LUZP2: variants seen among roughly 807,000 people sequenced by gnomAD.
LUZP2 encodes leucine zipper protein 2.
In LUZP2, 52 loss-of-function variants were observed where a neutral mutation model predicts 51.6. The observed-to-expected ratio is 1.01, with a 90% CI of 0.81 to 1.27. The LOEUF (loss-of-function observed/expected upper bound fraction) is 1.27. Ranked by LOEUF, LUZP2 falls within the 50% of genes most tolerant of loss-of-function variation. LUZP2 has a pLI of 0.00. For missense variants in LUZP2, 436 were observed against 395.4 expected (o/e 1.10, Z -0.87); for synonymous variants, 154 against 137.3 (o/e 1.12, Z -0.85).
intron 9 of LUZP2, among the ~76,000 whole-genome samples, chr11:25,034,521 A>C (rs11028366): frequency 0.47 from 71,825 of 151,924 alleles, 17,466 homozygotes; most frequent in Non-Finnish European, 0.51. Flanking sequence ...GTATTTTCCA[A>C]GTTGTCTTCC....
At chr11:24,793,449 A>T (rs1036045122) in intron 5 of LUZP2, among the ~76,000 whole-genome samples, 1 of 152,176 alleles carries the variant, frequency 6.6e-6, no homozygotes, top group Non-Finnish European at 1.5e-5. Context: ...CTGCTCACAG[A>T]TGGGTTTGCA....
At chr11:25,031,991 A>C (rs1857702650) in intron 9 of LUZP2, among the ~76,000 whole-genome samples, 1 of 152,138 alleles carries the variant, frequency 6.6e-6, no homozygotes, top group Non-Finnish European at 1.5e-5. Context: ...AGTAATGACA[A>C]GGGACCTAAA....
At chr11:24,721,915 A>G (rs1196034800) in intron 1 of LUZP2, among the ~76,000 whole-genome samples, 2 of 152,176 alleles carry the variant, frequency 1.3e-5, no homozygotes, top group Non-Finnish European at 2.9e-5. Flanking sequence ...TAAATAAGAA[A>G]CAGTGACACT....
At chr11:24,878,864 T>C (rs1382771553) in intron 5 of LUZP2, among the ~76,000 whole-genome samples, 1 of 152,032 alleles carries the variant, frequency 6.6e-6, no homozygotes, top group African/African-American at 2.4e-5. Context: ...AATGAGAATG[T>C]GTGGTGTTTG....
At chr11:24,683,288 A>T (rs1485089880) in intron 1 of LUZP2, among the ~76,000 whole-genome samples, 1 of 152,130 alleles carries the variant, frequency 6.6e-6, no homozygotes, top group Admixed American at 6.6e-5. Flanking sequence ...TACTTAAAGG[A>T]TTATTTTGGA....
chr11:25,050,291 C>CTT (rs71044331), intron 10 of LUZP2, among the ~76,000 whole-genome samples, 161 bp downstream of exon 10: 13,714 of 76,726 alleles, frequency 0.18, 4,500 homozygotes, highest in Non-Finnish European at 0.25. Context: ...TCTTTATGTT[C>CTT]TTTTTTTTTT....
intron 5 of LUZP2, among the ~76,000 whole-genome samples, chr11:24,811,169 C>A (rs12294826): frequency 0.06 from 9,070 of 152,176 alleles, 436 homozygotes; most frequent in African/African-American, 0.13. Context: ...TATTGACTGC[C>A]AGCCCTTCTG....
intron 1 of LUZP2, among the ~76,000 whole-genome samples, chr11:24,665,777 G>A (rs763989649): frequency 2.0e-5 from 3 of 152,042 alleles, no homozygotes; most frequent in Non-Finnish European, 4.4e-5. Context: ...GAGTACCACC[G>A]CCCCTGACAC....
chr11:25,036,535 T>C (rs1490994393), intron 9 of LUZP2, among the ~76,000 whole-genome samples: 2 of 151,822 alleles, frequency 1.3e-5, no homozygotes, highest in Non-Finnish European at 2.9e-5. Context: ...TGTTCTTTTT[T>C]TTTGTAATTC....
intron 5 of LUZP2, among the ~76,000 whole-genome samples, chr11:24,842,639 T>A (rs1851072351): frequency 6.6e-6 from 1 of 152,056 alleles, no homozygotes; most frequent in South Asian, 2.1e-4. Context: ...TATTTCTTTT[T>A]CTTTTGGCTT....
intron 9 of LUZP2, among the ~76,000 whole-genome samples, chr11:25,037,348 G>C (rs968754476): frequency 7.2e-5 from 11 of 152,064 alleles, no homozygotes; most frequent in African/African-American, 2.7e-4. Flanking sequence ...TGTGAGTGTT[G>C]TTACACGTGA....
intron 1 of LUZP2, among the ~76,000 whole-genome samples, chr11:24,634,358 T>C (rs959568894): frequency 6.6e-6 from 1 of 152,058 alleles, no homozygotes; most frequent in Admixed American, 6.6e-5. Context: ...CCTAAACTGG[T>C]AGCTCCCATC....
chr11:24,593,013 T>C (rs1853312148), intron 1 of LUZP2, among the ~76,000 whole-genome samples: 2 of 152,138 alleles, frequency 1.3e-5, no homozygotes, highest in Admixed American at 1.3e-4. Flanking sequence ...CTTGTTTATT[T>C]TGACACCTCG....
At chr11:24,918,901 T>C (rs996174103) in intron 7 of LUZP2, among the ~76,000 whole-genome samples, 75 of 141,310 alleles carry the variant, frequency 5.3e-4, no homozygotes, top group Non-Finnish European at 8.5e-4. Flanking sequence ...TAGTTATATA[T>C]AATATATATC....
At chr11:24,918,186 G>A (rs1329111775) in intron 7 of LUZP2, among the ~76,000 whole-genome samples, 1 of 152,066 alleles carries the variant, frequency 6.6e-6, no homozygotes, top group African/African-American at 2.4e-5. Flanking sequence ...CATTGATTTT[G>A]CATCCTGAGA....
chr11:24,896,970 A>G (rs892357383), intron 5 of LUZP2, among the ~76,000 whole-genome samples: 3 of 152,176 alleles, frequency 2.0e-5, no homozygotes, highest in African/African-American at 4.8e-5. Context: ...CAAGGTTTGT[A>G]AATGCACCAA....
intron 11 of LUZP2, 104 bp from the exon 12 acceptor site, chr11:25,078,450 T>G: frequency 2.5e-6 from 2 of 793,696 alleles, no homozygotes; most frequent in Non-Finnish European, 4.1e-6. Flanking sequence ...AGATATTTGT[T>G]GAGATCTTTG....
rs1484345628 is a variant in LUZP2 at position 24,671,415 on chromosome 11, C to T, written c.63-57754C>T. Among the ~76,000 whole-genome samples, 3 of 151,956 alleles carry T rather than the reference C, an allele frequency of 2.0e-5. No homozygotes were observed. The East Asian group carries it at 5.8e-4, about 29-fold the overall frequency. ...ATTTTGTTCTTCTAAGTAACACTGCCTTGACCATATTTGCTAATGAAAACT... is the reference window on the plus strand; with the variant it reads ...ATTTTGTTCTTCTAAGTAACACTGCTTTGACCATATTTGCTAATGAAAACT... On this transcript the variant is annotated intron_variant, in intron 1 of 11. Coordinates refer to ENST00000336930, the MANE Select transcript of LUZP2 (RefSeq NM_001009909.4).
intron 1 of LUZP2, among the ~76,000 whole-genome samples, chr11:24,500,586 T>G (rs552633243): frequency 6.6e-6 from 1 of 152,170 alleles, no homozygotes; most frequent in Non-Finnish European, 1.5e-5. Flanking sequence ...AAGGGACCCA[T>G]GGAGTGCTGG....
Sources: allele counts gnomAD v4.1 joint callset (sites outside exome capture counted in the v4.1 genomes callset), GRCh38; gene constraint gnomAD v4.1.1; transcripts MANE v1.5; gene names NCBI Gene and HGNC (gene_info 2026-07-23, HGNC 2026-07-21).